DIPK1A: variants seen among roughly 807,000 people sequenced by gnomAD.
DIPK1A encodes the protein divergent protein kinase domain 1A.
Under a neutral mutation model 40.8 loss-of-function variants are expected in DIPK1A, and 27 were observed. That is an observed-to-expected ratio of 0.66 (90% CI 0.49 to 0.91). DIPK1A has a LOEUF of 0.91. Among genes scored for constraint, DIPK1A ranks in the 40% least tolerant of loss-of-function variants. DIPK1A has a pLI of 0.00. For synonymous variants in DIPK1A, 166 were observed against 171.3 expected, an observed-to-expected ratio of 0.97 and a Z score of 0.24; for missense variants, 412 against 505.7, an observed-to-expected ratio of 0.81 and a Z score of 1.78.
intron 2 of DIPK1A, among the ~76,000 whole-genome samples, chr1:92,861,321 CTTTTTTTTTTTT>C (rs71230876): frequency 4.3e-4 from 36 of 83,542 alleles, no homozygotes; most frequent in African/African-American, 1.6e-3. Flanking sequence ...CTCTCTCTCT[CTTTTTTTTTTTT>C]TTTTTTTTTT....
rs531998002 is a variant in DIPK1A, at chr1:92,834,228, G to T, written c.475-1194C>A. 2.0e-5 allele frequency among the ~76,000 whole-genome samples: 3 copies of T among 152,286 alleles called. No individual in the cohort carries two copies. In the South Asian group the frequency reaches 6.2e-4, roughly 32 times the overall value. ...TATATGCCACTTAACCACTGAAAAG[G>T]TAGTTGTGAATTAAACAGGGCTTTA... is the stretch of plus-strand genomic sequence containing the variant. On this transcript the variant is annotated intron_variant, in intron 4 of 4. Transcript: ENST00000615519.
At chr1:92,917,573 G>A (rs1343763220) in intron 1 of DIPK1A, among the ~76,000 whole-genome samples, 1 of 152,172 alleles carries the variant, frequency 6.6e-6, no homozygotes, top group African/African-American at 2.4e-5. Context: ...GAAAGTGAAA[G>A]GTTCCCCCAT....
chr1:92,878,779 C>T (rs1436122447), intron 1 of DIPK1A, among the ~76,000 whole-genome samples: 1 of 152,020 alleles, frequency 6.6e-6, no homozygotes, highest in Non-Finnish European at 1.5e-5. Flanking sequence ...CGAGATCGCA[C>T]CACTGCACTC....
chr1:92,864,985 T>C (rs1219055173), intron 2 of DIPK1A, among the ~76,000 whole-genome samples: 1 of 133,162 alleles, frequency 7.5e-6, no homozygotes, highest in Non-Finnish European at 1.5e-5. Context: ...GAGGTTGCAA[T>C]GAGCTGAGAT....
chr1:92,921,652 C>T (rs142428539), intron 1 of DIPK1A, among the ~76,000 whole-genome samples: 2 of 152,262 alleles, frequency 1.3e-5, no homozygotes, highest in African/African-American at 2.4e-5. Context: ...TGGAGAAAGA[C>T]CAGCTCCTCG....
At chr1:92,907,871 A>ATTTTTTTTTTTTTTT (rs1649684369) in intron 1 of DIPK1A, among the ~76,000 whole-genome samples, 1 of 151,236 alleles carries the variant, frequency 6.6e-6, no homozygotes, top group African/African-American at 2.5e-5. Flanking sequence ...AATTTTAAAA[A>ATTTTTTTTTTTTTTT]TATATATTTT....
At chr1:92,877,092 T>C in intron 1 of DIPK1A, 1 of 985,402 alleles carries the variant, frequency 1.0e-6, no homozygotes, top group Admixed American at 6.1e-5. Context: ...AAAAATAAGT[T>C]ACTCTTTGCA....
chr1:92,922,209 G>GCTTTT (rs34741191), intron 1 of DIPK1A, among the ~76,000 whole-genome samples: 3 of 151,360 alleles, frequency 2.0e-5, no homozygotes, highest in Non-Finnish European at 4.4e-5. Flanking sequence ...TTTATCTATA[G>GCTTTT]TTTTATTGAA....
intron 4 of DIPK1A, chr1:92,836,468 A>G (rs1296653534): frequency 4.4e-6 from 6 of 1,349,436 alleles, no homozygotes; most frequent in Non-Finnish European, 6.4e-6. Context: ...CTGTGGAGAT[A>G]ACCGAATTAA....
rs1687795396 is a variant in DIPK1A at position 92,850,854 on chromosome 1, G to A, written c.291C>T (p.Asn97=). The change falls in exon 3 of 5, where the codon AAC becomes AAT. Residue 97 remains asparagine (N), a synonymous_variant. Coordinates refer to ENST00000370310, the MANE Select transcript of DIPK1A (RefSeq NM_001006605.5). ...TTATTCATAATGGCCATACCTGATT[G>A]TTGGGCTTGGTGGATAAACATTTTC... ...YFGKCLSTKP[N]NQMYLGIWDN... 4.5e-6 allele frequency: 7 copies of A among 1,553,528 alleles called. No individual in the cohort carries two copies. The highest frequency in any genetic ancestry group is 6.1e-6 in the Non-Finnish European group (7 of 1,144,852).
At chr1:92,884,803 T>C (rs1009830665) in intron 1 of DIPK1A, among the ~76,000 whole-genome samples, 4 of 152,162 alleles carry the variant, frequency 2.6e-5, no homozygotes, top group Non-Finnish European at 5.9e-5. Context: ...TAAAGCATAT[T>C]TTAGGGCAAA....
At chr1:92,909,422 C>T (rs1159682573) in intron 1 of DIPK1A, among the ~76,000 whole-genome samples, 1 of 152,156 alleles carries the variant, frequency 6.6e-6, no homozygotes, top group Non-Finnish European at 1.5e-5. Context: ...GCTGGTTCTC[C>T]GATGCCTCAC....
At chr1:92,923,230 C>G (rs1650340167) in intron 1 of DIPK1A, among the ~76,000 whole-genome samples, 1 of 152,202 alleles carries the variant, frequency 6.6e-6, no homozygotes, top group Non-Finnish European at 1.5e-5. Context: ...CCTCTGCCTC[C>G]TGGGTTCAAG....
At chr1:92,895,681 G>A (rs1649126107) in intron 1 of DIPK1A, among the ~76,000 whole-genome samples, 1 of 152,038 alleles carries the variant, frequency 6.6e-6, no homozygotes, top group Admixed American at 6.6e-5. Flanking sequence ...AGGAAATAAA[G>A]GGTATTCGAT....
chr1:92,859,599 C>G (rs917000103), intron 2 of DIPK1A, among the ~76,000 whole-genome samples: 1 of 152,214 alleles, frequency 6.6e-6, no homozygotes, highest in Non-Finnish European at 1.5e-5. Flanking sequence ...AGCCAATGCT[C>G]GAGGCAGCTA....
chr1:92,937,382 G>C (rs916894481), intron 1 of DIPK1A, among the ~76,000 whole-genome samples: 1 of 152,138 alleles, frequency 6.6e-6, no homozygotes, highest in Non-Finnish European at 1.5e-5. Flanking sequence ...TACCTTGCAA[G>C]TATTACTTCA....
intron 1 of DIPK1A, among the ~76,000 whole-genome samples, chr1:92,913,642 GAC>G (rs1194901521): frequency 6.6e-6 from 1 of 152,132 alleles, no homozygotes; most frequent in Non-Finnish European, 1.5e-5. Flanking sequence ...TTATTGAACT[GAC>G]ACACAGAGGG....
chr1:92,890,132 A>G (rs1648793963), intron 1 of DIPK1A, among the ~76,000 whole-genome samples: 1 of 152,158 alleles, frequency 6.6e-6, no homozygotes, highest in Non-Finnish European at 1.5e-5. Flanking sequence ...TTGTTGATAT[A>G]TAGAAATACT....
chr1:92,901,514 G>A (rs985462233), intron 1 of DIPK1A, among the ~76,000 whole-genome samples: 4 of 152,108 alleles, frequency 2.6e-5, no homozygotes, highest in Non-Finnish European at 4.4e-5. Context: ...AGGGGTCACA[G>A]TATAGCACTG....
Sources: gnomAD v4.1 joint callset for allele counts (sites outside exome capture counted in the v4.1 genomes callset) on GRCh38, gnomAD v4.1.1 for gene constraint, MANE v1.5 for transcripts, NCBI Gene and HGNC (gene_info 2026-07-23, HGNC 2026-07-21) for gene names.